The following CFAP210 variants were observed in gnomAD, a reference collection of about 807,000 sequenced individuals.
The protein encoded by CFAP210 is cilia- and flagella- associated protein 210.
chr2:169,667,798 A>G, the CFAP210 span, among the ~76,000 whole-genome samples: 9 of 152,266 alleles, frequency 5.9e-5, no homozygotes, highest in African/African-American at 2.2e-4. Flanking sequence ...GCCTTGCTGT[A>G]AACACGTGTG....
the CFAP210 span, among the ~76,000 whole-genome samples, chr2:169,649,808 G>A: frequency 6.6e-6 from 1 of 152,008 alleles, no homozygotes; most frequent in Admixed American, 6.6e-5. Flanking sequence ...GCGCATGCCT[G>A]TAATCTCAGC....
chr2:169,674,434 G>A, the CFAP210 span: 8 of 639,542 alleles, frequency 1.3e-5, no homozygotes, highest in Non-Finnish European at 2.0e-5. Context: ...GGGTAAGAAA[G>A]TGATAGCGAT....
At chr2:169,677,235 G>A in the CFAP210 span, among the ~76,000 whole-genome samples, 146 of 152,220 alleles carry the variant, frequency 9.6e-4, 1 homozygote, top group African/African-American at 3.3e-3. Flanking sequence ...TAAACAGCAC[G>A]ACTCTGATAC....
the CFAP210 span, chr2:169,654,060 A>T: frequency 6.2e-7 from 1 of 1,600,722 alleles, no homozygotes; most frequent in South Asian, 1.1e-5. Flanking sequence ...TATTATACAC[A>T]TTATTAAAGC....
the CFAP210 span, chr2:169,649,479 C>T: frequency 1.3e-6 from 1 of 741,072 alleles, no homozygotes; most frequent in African/African-American, 1.7e-5. Flanking sequence ...AAAGTGCATG[C>T]ACCTGGGGTG....
chr2:169,656,553 T>C, the CFAP210 span, among the ~76,000 whole-genome samples: 1 of 152,092 alleles, frequency 6.6e-6, no homozygotes, highest in Non-Finnish European at 1.5e-5. Context: ...TACTCCCTTT[T>C]GACCTTCATC....
At chr2:169,650,374 T>G in the CFAP210 span, 2 of 1,603,440 alleles carry the variant, frequency 1.2e-6, no homozygotes, top group South Asian at 2.3e-5. Flanking sequence ...CTGCTTTGTT[T>G]TTTTCATCTT....
At chr2:169,674,218 T>C in the CFAP210 span, among the ~76,000 whole-genome samples, 1 of 152,218 alleles carries the variant, frequency 6.6e-6, no homozygotes, top group Admixed American at 6.5e-5. Flanking sequence ...TGTATACACA[T>C]GGAGCGGATC....
the CFAP210 span, among the ~76,000 whole-genome samples, chr2:169,686,178 T>A: frequency 6.6e-6 from 1 of 152,182 alleles, no homozygotes. Context: ...CATTCCCATG[T>A]CCAGCCAATG....
At chr2:169,662,166 T>C in the CFAP210 span, 3 of 1,058,410 alleles carry the variant, frequency 2.8e-6, no homozygotes, top group South Asian at 4.4e-5. Context: ...AATGTATGCA[T>C]GGGTCAAAAT....
At chr2:169,661,393 C>T in the CFAP210 span, 7 of 379,744 alleles carry the variant, frequency 1.8e-5, no homozygotes, top group Non-Finnish European at 3.0e-5. Context: ...TCCTTTTATC[C>T]TCCTCTTGAA....
chr2:169,684,593 T>C, the CFAP210 span, among the ~76,000 whole-genome samples: 28 of 152,232 alleles, frequency 1.8e-4, no homozygotes, highest in African/African-American at 5.8e-4. Flanking sequence ...TTCACTCAAA[T>C]AATGTTTTCA....
the CFAP210 span, among the ~76,000 whole-genome samples, chr2:169,690,051 G>A: frequency 9.2e-5 from 14 of 152,132 alleles, no homozygotes; most frequent in Middle Eastern, 6.8e-3. Context: ...AGGCTGGAGC[G>A]CAGTGGCTAT....
At chr2:169,654,029 T>C in the CFAP210 span, 16 of 1,513,392 alleles carry the variant, frequency 1.1e-5, no homozygotes, top group Admixed American at 2.0e-5. Flanking sequence ...CATAAAATCA[T>C]AATAATTTCA....
At chr2:169,654,579 A>G in the CFAP210 span, among the ~76,000 whole-genome samples, 1 of 152,176 alleles carries the variant, frequency 6.6e-6, no homozygotes, top group African/African-American at 2.4e-5. Context: ...GTATATTCCA[A>G]TTTCACAAAT....
At chr2:169,650,396 C>G in the CFAP210 span, 1 of 1,602,578 alleles carries the variant, frequency 6.2e-7, no homozygotes, top group East Asian at 2.2e-5. Flanking sequence ...TTCTCTTTCT[C>G]TTTTTTCCCA....
chr2:169,674,900 T>A, the CFAP210 span: 5 of 1,524,604 alleles, frequency 3.3e-6, no homozygotes, highest in Non-Finnish European at 4.4e-6. Flanking sequence ...TCTGGTAAAA[T>A]TGATATTGCT....
chr2:169,656,305 G>A, the CFAP210 span, among the ~76,000 whole-genome samples: 2 of 151,140 alleles, frequency 1.3e-5, no homozygotes, highest in African/African-American at 4.9e-5. Context: ...AAGAGGAAGA[G>A]GAAGAAGAGG....
the CFAP210 span, among the ~76,000 whole-genome samples, chr2:169,665,375 T>C: frequency 6.6e-6 from 1 of 152,148 alleles, no homozygotes; most frequent in Non-Finnish European, 1.5e-5. Flanking sequence ...AACCTCATAG[T>C]TCACTGCAAC....
Sources: gnomAD v4.1 joint callset for allele counts (sites outside exome capture counted in the v4.1 genomes callset) on GRCh38, gnomAD v4.1.1 for gene constraint, MANE v1.5 for transcripts, NCBI Gene and HGNC (gene_info 2026-07-23, HGNC 2026-07-21) for gene names.